NOTCH1: variants seen among roughly 807,000 people sequenced by gnomAD.
NOTCH1 encodes the protein notch receptor 1.
A neutral mutation model predicts 254.8 loss-of-function variants in NOTCH1; 37 were observed. The ratio of observed to expected loss-of-function variants is 0.15; its 90% CI spans 0.11 to 0.19. The LOEUF (loss-of-function observed/expected upper bound fraction) is 0.19, where lower values mean the gene tolerates loss of function less well. Among genes scored for constraint, NOTCH1 ranks in the 10% least tolerant of loss-of-function variants. The pLI, the probability that NOTCH1 is intolerant of heterozygous loss-of-function variation, is 1.00. For missense variants in NOTCH1, 2,972 were observed against 3,708.6 expected, an observed-to-expected ratio of 0.80 and a Z score of 5.16; for synonymous variants, 1,731 against 1,618.1, an observed-to-expected ratio of 1.07 and a Z score of -1.68.
chr9:136,512,981 G>T (rs765074198), intron 15 of NOTCH1, 40 bp downstream of exon 15: 2 of 429,512 alleles, frequency 4.7e-6, no homozygotes, highest in Non-Finnish European at 4.3e-6. Context: ...CTCCCACATA[G>T]GCCCCGCCCC....
At chr9:136,541,991 G>C (rs1352544896) in intron 2 of NOTCH1, among the ~76,000 whole-genome samples, 1 of 152,268 alleles carries the variant, frequency 6.6e-6, no homozygotes, top group African/African-American at 2.4e-5. Context: ...AGGCACCAAA[G>C]CCATGGTCGG....
chr9:136,500,894 C>G (rs772746426), intron 30 of NOTCH1, 47 bp from the exon 31 acceptor site: 248 of 1,533,796 alleles, frequency 1.6e-4, no homozygotes, highest in Non-Finnish European at 2.1e-4. Context: ...CGGTCCCCAG[C>G]TGCAGCCCAG....
At position 136,506,850 on chromosome 9, in the gene NOTCH1, G is replaced by A. The variant is rs80340744; in HGVS notation, c.3767C>T (p.Pro1256Leu). 1.1e-3 allele frequency: 1,830 copies of A among 1,612,068 alleles called. 19 individuals carry two copies. The African/African-American group carries it at 0.021, about 19-fold the overall frequency. ...DQVGGYSCTC[P>L]PGFVGERCEG... is the part of the protein sequence containing the mutation. The stretch of plus-strand genomic sequence containing the variant: ...ACAGCGCTCACCCACGAAGCCCGGC[G>A]GGCAGGTGCAGCTGTAGCCGCCCAC... The change falls in exon 23 of 34, where the codon CCG becomes CTG. Residue 1256 changes from proline to leucine, a missense_variant. By Grantham distance (98) the Pro-to-Leu change is moderately conservative. This residue lies in a region of NOTCH1 where 1,343 missense variants were observed against 1,557.0 expected (regional missense o/e 0.86). Transcript: ENST00000651671. This position sits in a 1 kb window ranked among gnomAD's most constrained non-coding sequence, Gnocchi z 4.5.
At chr9:136,504,432 G>A (rs1014138528) in intron 26 of NOTCH1, among the ~76,000 whole-genome samples, 1 of 152,254 alleles carries the variant, frequency 6.6e-6, no homozygotes, top group Non-Finnish European at 1.5e-5. Flanking sequence ...CTGTCCAGGG[G>A]AAGGCAGTGG....
In NOTCH1 at chr9:136,508,272, G is replaced by A. The variant is rs770364830; in HGVS notation, c.3285C>T (p.Asp1095=). Residue 1095 remains aspartate (D), a synonymous_variant, in exon 20 of 34, where the codon GAC becomes GAT. Transcript: ENST00000651671. ...CCACCTCACAGGACACGCTGGGCAC[G>A]TCGCAGTAAAGGCCGGTCCAGCCGC... is the stretch of plus-strand genomic sequence containing the variant. ...CPSGWTGLYC[D]VPSVSCEVAA... The A allele has an allele frequency of 5.6e-6, 9 of 1,612,670 alleles. No homozygotes were observed. The highest frequency in any genetic ancestry group is 4.4e-5 in the South Asian group (4 of 91,074).
chr9:136,518,692 C>T lies in NOTCH1; in HGVS notation c.998G>A (p.Ser333Asn), dbSNP rs2133371023. 6.2e-7 allele frequency: 1 copy of T among 1,612,788 alleles called. No homozygotes were observed. Among genetic ancestry groups the T allele is most frequent in the Non-Finnish European group, 8.5e-7 (1 of 1,179,988 alleles). The change falls in exon 6 of 34, where the codon AGC becomes AAC. Residue 333 changes from serine (S) to asparagine (N), a missense_variant. By Grantham distance (46) the Ser-to-Asn change is conservative. Around this residue, in one of 8 missense-constraint regions of NOTCH1, gnomAD observed 374 missense variants for 496.3 expected, o/e 0.75. Transcript: ENST00000651671. ...GCTGGCACAGTCATCAATGTTCTCG[C>T]TGCAGTCCTCACCAGTCCAGCCGTT... ...CVNGWTGEDC[S>N]ENIDDCASAA...
chr9:136,502,548 C>T (rs1407593002), intron 27 of NOTCH1, 60 bp from the exon 28 acceptor site: 1 of 1,205,244 alleles, frequency 8.3e-7, no homozygotes, highest in African/African-American at 1.6e-5. Context: ...ACGCAGCAGG[C>T]TGGTGGCCGG....
intron 15 of NOTCH1, among the ~76,000 whole-genome samples, chr9:136,512,785 A>C (rs1843201131): frequency 6.6e-6 from 1 of 150,652 alleles, no homozygotes; most frequent in African/African-American, 2.5e-5. Context: ...TGCCAACCCC[A>C]CCCCCGGGAG....
chr9:136,494,877 C>A lies in NOTCH1; in HGVS notation c.*1194G>T, dbSNP rs895692536. Reference sequence around the variant, plus strand: ...ATTGCAAAAATCTGCTCCTCCCAAACTAGGAGGGGTGGCCCAAGGGCAGCC... The same window carrying A: ...ATTGCAAAAATCTGCTCCTCCCAAAATAGGAGGGGTGGCCCAAGGGCAGCC... On this transcript the variant is annotated 3_prime_UTR_variant, in exon 34 of 34. Transcript: ENST00000651671. 2.5e-6 allele frequency: 1 copy of A among 398,610 alleles called. No homozygotes were observed. The highest frequency in any genetic ancestry group is 4.4e-6 in the Non-Finnish European group (1 of 226,008). 24.7% of individuals were successfully genotyped at this position (398,610 alleles called of 1,614,324 possible).
At chr9:136,529,706 C>T (rs962280825) in intron 2 of NOTCH1, among the ~76,000 whole-genome samples, 1 of 152,232 alleles carries the variant, frequency 6.6e-6, no homozygotes, top group Admixed American at 6.5e-5. Context: ...TCTGCGGTGG[C>T]TAGGAGGCCC....
At chr9:136,529,110 G>A (rs1488154379) in intron 2 of NOTCH1, among the ~76,000 whole-genome samples, 1 of 152,212 alleles carries the variant, frequency 6.6e-6, no homozygotes, top group African/African-American at 2.4e-5. Context: ...CAGCAAGGCT[G>A]ACCACCTTCT....
chr9:136,496,715 G>A lies in NOTCH1; in HGVS notation c.7024C>T (p.Leu2342=). Residue 2342 remains leucine (L), a synonymous_variant, in exon 34 of 34, where the codon CTG becomes TTG. Coordinates refer to ENST00000651671, the MANE Select transcript of NOTCH1 (RefSeq NM_017617.5). ...AGCGGGCCTACCATGCCATGCTGCA[G>A]GGAGGGGGCCTGTGTGCTCAGGGGG... is the stretch of plus-strand genomic sequence containing the variant. ...PGPLSTQAPS[L]QHGMVGPLHS... 1 of 1,612,864 alleles carries A rather than the reference G, an allele frequency of 6.2e-7. No individual in the cohort carries two copies. Among genetic ancestry groups the A allele is most frequent in the Non-Finnish European group, 8.5e-7 (1 of 1,179,994 alleles).
chr9:136,497,886 A>G (rs1182029930), intron 33 of NOTCH1, among the ~76,000 whole-genome samples: 3 of 152,154 alleles, frequency 2.0e-5, no homozygotes, highest in African/African-American at 7.2e-5. Flanking sequence ...CCTGCCCCCA[A>G]TAAGGCACAA....
At chr9:136,543,931 G>A in intron 2 of NOTCH1, 93 bp downstream of exon 2, 1 of 1,222,962 alleles carries the variant, frequency 8.2e-7, no homozygotes, top group South Asian at 1.3e-5. Flanking sequence ...ATCTCCAGAA[G>A]ACAATGGCCT....
rs1843177468 is a variant in NOTCH1, at chr9:136,511,245, G to A, written c.2494C>T (p.Pro832Ser). 1.9e-6 allele frequency: 3 copies of A among 1,612,352 alleles called. No homozygotes were observed. Among genetic ancestry groups the A allele is most frequent in the Non-Finnish European group, 1.7e-6 (2 of 1,179,938 alleles). Residue 832 changes from proline to serine, a missense_variant, in exon 16 of 34, where the codon CCG becomes TCG. By Grantham distance (74) the Pro-to-Ser change is moderately conservative. Coordinates refer to ENST00000651671, the MANE Select transcript of NOTCH1 (RefSeq NM_017617.5). ...TTTCTGCAGGGGCTGGGGGCACACG[G>A]GGCCAGCACCACCTCACACGTGGCA... ...TGATCEVVLA[P>S]CAPSPCRNGG...
At position 136,495,785 on chromosome 9, in the gene NOTCH1, C is replaced by T; in HGVS notation, c.*286G>A. The T allele has an allele frequency of 4.7e-6, 2 of 421,056 alleles. No homozygotes were observed. The highest frequency in any genetic ancestry group is 8.2e-5 in the South Asian group (1 of 12,146). 26.1% of individuals were successfully genotyped at this position (421,056 alleles called of 1,614,324 possible). ...TATAAACACAGAAGAATCTTTTCATCCTACGTAGGAAAACCCTGGCTCTCA... is the reference window on the plus strand; with the variant it reads ...TATAAACACAGAAGAATCTTTTCATTCTACGTAGGAAAACCCTGGCTCTCA... On this transcript the variant is annotated 3_prime_UTR_variant, in exon 34 of 34. Coordinates refer to ENST00000651671, the MANE Select transcript of NOTCH1 (RefSeq NM_017617.5).
In NOTCH1 at chr9:136,517,820, G is replaced by A. The variant is rs769569937; in HGVS notation, c.1373C>T (p.Ser458Leu). The change falls in exon 8 of 34, where the codon TCG becomes TTG. Residue 458 changes from serine (S) to leucine (L), a missense_variant. Ser to Leu is a moderately radical substitution (Grantham distance 145). This residue lies in a region of NOTCH1 where 90 missense variants were observed against 183.6 expected (regional missense o/e 0.49). Transcript: ENST00000651671. ...GGTGGCGTCGTTCTGGCACGGGTTCGAGACGCACTCGTTGACGTCGATCTC... is the reference window on the plus strand; with the variant it reads ...GGTGGCGTCGTTCTGGCACGGGTTCAAGACGCACTCGTTGACGTCGATCTC... Reference protein sequence around the residue: ...RCEIDVNECVSNPCQNDATCL... With the variant: ...RCEIDVNECVLNPCQNDATCL... 11 of 1,612,600 alleles carry A rather than the reference G, an allele frequency of 6.8e-6. No individual in the cohort carries two copies. Among genetic ancestry groups the A allele is most frequent in the South Asian group, 1.1e-5 (1 of 91,092 alleles).
chr9:136,543,119 C>T (rs1456547733), intron 2 of NOTCH1: 1 of 157,528 alleles, frequency 6.3e-6, no homozygotes, highest in African/African-American at 2.4e-5. Context: ...GTTCCACCTT[C>T]TCTTCCCCAG....
chr9:136,494,661 TGAG>T lies in NOTCH1; in HGVS notation c.*1407_*1409del. ...CCCGTAGAGCCGGGGGAGGCTGCCC[TGAG>T]GAGTGCAGGCGGCACGGCAGCGGAG... On this transcript the variant is annotated 3_prime_UTR_variant, in exon 34 of 34. Coordinates refer to ENST00000651671, the MANE Select transcript of NOTCH1 (RefSeq NM_017617.5). 2.5e-6 allele frequency: 1 copy of T among 398,748 alleles called. No homozygotes were observed. The highest frequency in any genetic ancestry group is 1.3e-4 in the South Asian group (1 of 7,854). The allele number at this position is 398,748 out of a possible 1,614,324, so 24.7% of individuals were successfully genotyped here. A position where few individuals can be genotyped will look rare whatever the true frequency, so the allele number is the denominator to read the frequency against.
Sources: allele counts gnomAD v4.1 joint callset (sites outside exome capture counted in the v4.1 genomes callset), GRCh38; gene constraint gnomAD v4.1.1; regional missense constraint gnomAD v4.1.1; non-coding constraint Gnocchi (gnomAD v3.1); transcripts MANE v1.5; gene names NCBI Gene and HGNC (gene_info 2026-07-23, HGNC 2026-07-21).